NRG1: variants seen among roughly 807,000 people sequenced by gnomAD.
The protein encoded by NRG1 is pro-neuregulin-1, membrane-bound isoform.
NRG1 carries 18 observed loss-of-function variants against 63.8 expected under a neutral mutation model. That is an observed-to-expected ratio of 0.28 (90% CI 0.19 to 0.42). NRG1 has a LOEUF of 0.42. Among genes scored for constraint, NRG1 ranks in the 10% least tolerant of loss-of-function variants. The pLI is 1.00. For synonymous variants in NRG1, 302 were observed against 301.3 expected (o/e 1.00, Z -0.02); for missense variants, 762 against 814.7 (o/e 0.94, Z 0.79).
intron 1 of NRG1, among the ~76,000 whole-genome samples, chr8:32,580,307 A>G (rs1840413230): frequency 6.6e-6 from 1 of 152,170 alleles, no homozygotes; most frequent in Non-Finnish European, 1.5e-5. Flanking sequence ...GATCTTTGGG[A>G]GCCATTATTC....
chr8:32,728,187 T>A, intron 6 of NRG1, 109 bp downstream of exon 6: 2 of 1,545,402 alleles, frequency 1.3e-6, no homozygotes, highest in Non-Finnish European at 1.7e-6. Context: ...TGCATCATGT[T>A]GAATAATGCT....
chr8:32,358,848 AAG>A (rs1806825659), intron 1 of NRG1, among the ~76,000 whole-genome samples: 1 of 152,150 alleles, frequency 6.6e-6, no homozygotes, highest in South Asian at 2.1e-4. Flanking sequence ...GATCAAGAAG[AAG>A]AGAGTTTCCT....
chr8:31,819,790 C>A (rs764851652), intron 1 of NRG1, among the ~76,000 whole-genome samples: 1 of 152,208 alleles, frequency 6.6e-6, no homozygotes, highest in Non-Finnish European at 1.5e-5. Flanking sequence ...CATAAGCTAA[C>A]ATTTCCTAAT....
chr8:32,138,461 T>C (rs1196764496), intron 1 of NRG1, among the ~76,000 whole-genome samples: 1 of 151,804 alleles, frequency 6.6e-6, no homozygotes, highest in African/African-American at 2.4e-5. Flanking sequence ...CATTCCCCCT[T>C]CTTAGAGCTG....
At chr8:32,471,935 G>A (rs1200915879) in intron 1 of NRG1, among the ~76,000 whole-genome samples, 2 of 152,224 alleles carry the variant, frequency 1.3e-5, no homozygotes, top group South Asian at 2.1e-4. Context: ...TTGGTAGTAA[G>A]TGTCTATAGA....
exon 9 of NRG1, chr8:32,756,411 G>T: frequency 6.2e-7 from 1 of 1,609,918 alleles, no homozygotes; most frequent in Non-Finnish European, 8.5e-7. Context: ...AGGAAACAGC[G>T]GAAAAAGCTG....
At chr8:32,684,626 C>A (rs1809582840) in intron 5 of NRG1, among the ~76,000 whole-genome samples, 1 of 152,070 alleles carries the variant, frequency 6.6e-6, no homozygotes, top group African/African-American at 2.4e-5. Context: ...CCTATAATAT[C>A]ATTCTTTTTT....
At chr8:32,646,434 T>C (rs1853560087) in intron 5 of NRG1, among the ~76,000 whole-genome samples, 1 of 152,170 alleles carries the variant, frequency 6.6e-6, no homozygotes, top group Non-Finnish European at 1.5e-5. Context: ...AGGAATGCTA[T>C]CTCTCAGCAG....
At chr8:32,426,127 A>C (rs1342121020) in intron 1 of NRG1, among the ~76,000 whole-genome samples, 1 of 152,198 alleles carries the variant, frequency 6.6e-6, no homozygotes, top group East Asian at 1.9e-4. Flanking sequence ...TTTGGAGCCC[A>C]GACTAAATAG....
intron 1 of NRG1, among the ~76,000 whole-genome samples, chr8:31,910,709 G>A (rs1449123391): frequency 1.6e-4 from 24 of 152,116 alleles, no homozygotes; most frequent in Non-Finnish European, 7.4e-5. Context: ...TACGTAAACA[G>A]GAATACAGAT....
intron 1 of NRG1, among the ~76,000 whole-genome samples, chr8:31,922,743 A>T (rs952268437): frequency 1.1e-4 from 17 of 152,214 alleles, no homozygotes; most frequent in African/African-American, 4.1e-4. Context: ...ATTTTGGACA[A>T]TTCACTTCAT....
downstream of NRG1, among the ~76,000 whole-genome samples, chr8:32,772,634 C>T (rs1280460514): frequency 6.6e-6 from 1 of 151,952 alleles, no homozygotes; most frequent in Non-Finnish European, 1.5e-5. Context: ...CTGGAGGAGC[C>T]CTTGTCTTGA....
intron 1 of NRG1, among the ~76,000 whole-genome samples, chr8:31,976,545 T>C (rs1408699132): frequency 6.6e-6 from 1 of 152,120 alleles, no homozygotes; most frequent in Non-Finnish European, 1.5e-5. Context: ...AAAATAATCC[T>C]CTAATCCATT....
intron 1 of NRG1, among the ~76,000 whole-genome samples, chr8:32,469,639 C>T (rs974907320): frequency 2.0e-5 from 3 of 152,028 alleles, no homozygotes; most frequent in Non-Finnish European, 4.4e-5. Flanking sequence ...AATGCCAGAT[C>T]CACAGTAAAT....
At chr8:32,661,680 T>C (rs906605296) in intron 5 of NRG1, among the ~76,000 whole-genome samples, 1 of 152,032 alleles carries the variant, frequency 6.6e-6, no homozygotes, top group Non-Finnish European at 1.5e-5. Flanking sequence ...AATTCTTTAA[T>C]GGTGGAAGAC....
At chr8:32,461,138 A>G (rs915521216) in intron 1 of NRG1, among the ~76,000 whole-genome samples, 2 of 152,044 alleles carry the variant, frequency 1.3e-5, no homozygotes, top group Non-Finnish European at 2.9e-5. Flanking sequence ...TACTCTTCCA[A>G]TGGGCTCAGC....
intron 1 of NRG1, among the ~76,000 whole-genome samples, chr8:32,475,639 G>A (rs1824430604): frequency 6.6e-6 from 1 of 151,854 alleles, no homozygotes; most frequent in African/African-American, 2.4e-5. Context: ...AACTACTCCT[G>A]GGCTCAAAAT....
intron 1 of NRG1, among the ~76,000 whole-genome samples, chr8:32,301,773 C>G (rs35375556): frequency 6.6e-6 from 1 of 152,052 alleles, no homozygotes; most frequent in Non-Finnish European, 1.5e-5. Context: ...CAGGAAAGAC[C>G]GGCCTGCATA....
intron 1 of NRG1, among the ~76,000 whole-genome samples, chr8:32,281,217 G>A (rs1170113532): frequency 5.5e-5 from 5 of 91,062 alleles, no homozygotes; most frequent in Admixed American, 2.8e-4. Context: ...TCGCTCTGTC[G>A]CTCAGGCTGG....
Sources: gnomAD v4.1 joint callset for allele counts (sites outside exome capture counted in the v4.1 genomes callset) on GRCh38, gnomAD v4.1.1 for gene constraint, MANE v1.5 for transcripts, NCBI Gene and HGNC (gene_info 2026-07-23, HGNC 2026-07-21) for gene names.